The following SPIN1 variants were observed in gnomAD, a reference collection of about 807,000 sequenced individuals.
SPIN1 encodes the protein spindlin-1.
SPIN1 carries 3 observed loss-of-function variants against 26.0 expected under a neutral mutation model. That is an observed-to-expected ratio of 0.12 (90% CI 0.05 to 0.30). SPIN1 has a LOEUF of 0.30. Among genes scored for constraint, SPIN1 ranks in the 10% least tolerant of loss-of-function variants. SPIN1 has a pLI of 1.00. For synonymous variants in SPIN1, 101 were observed against 116.5 expected, an observed-to-expected ratio of 0.87 and a Z score of 0.86; for missense variants, 126 against 333.4, an observed-to-expected ratio of 0.38 and a Z score of 4.84.
At chr9:88,469,228 CTGA>C (rs1279923801) in intron 5 of SPIN1, among the ~76,000 whole-genome samples, 1 of 152,212 alleles carries the variant, frequency 6.6e-6, no homozygotes, top group African/African-American at 2.4e-5. Flanking sequence ...CTGTGAGAAT[CTGA>C]TGCCTCTGCT....
chr9:88,474,262 A>C (rs991862930), intron 5 of SPIN1, among the ~76,000 whole-genome samples: 1 of 152,218 alleles, frequency 6.6e-6, no homozygotes, highest in African/African-American at 2.4e-5. Context: ...AAATAGAATT[A>C]TAATTGCCTA....
At chr9:88,406,861 C>T (rs867087413) in intron 1 of SPIN1, among the ~76,000 whole-genome samples, 2 of 152,214 alleles carry the variant, frequency 1.3e-5, no homozygotes, top group East Asian at 1.9e-4. Flanking sequence ...TTCCTCCTCT[C>T]CTGGATACTC....
intron 2 of SPIN1, among the ~76,000 whole-genome samples, chr9:88,446,644 G>A (rs1828257872): frequency 6.6e-6 from 1 of 152,050 alleles, no homozygotes; most frequent in Non-Finnish European, 1.5e-5. Context: ...CTGACCTCAT[G>A]TGATCCACCC....
At position 88,475,085 on chromosome 9, in the gene SPIN1, A is replaced by G. The variant is rs1429433253; in HGVS notation, c.597A>G (p.Ser199=). Residue 199 remains serine, a synonymous_variant, in exon 6 of 6, where the codon TCA becomes TCG. Coordinates refer to ENST00000375859, the MANE Select transcript of SPIN1 (RefSeq NM_006717.3). The stretch of plus-strand genomic sequence containing the variant: ...TTTTTTTTTTTAATATAGATGATTC[A>G]CCTCCAGCAGAAAGGGAACCAGGAG... ...DLRIMPDSND[S]PPAEREPGEV... is the part of the protein sequence containing the mutation. 1.3e-6 allele frequency: 2 copies of G among 1,488,776 alleles called. No individual in the cohort carries two copies. The highest frequency in any genetic ancestry group is 1.8e-6 in the Non-Finnish European group (2 of 1,106,856). 92.2% of individuals were successfully genotyped at this position (1,488,776 alleles called of 1,614,324 possible).
chr9:88,451,995 A>G (rs528488802), intron 3 of SPIN1, among the ~76,000 whole-genome samples: 219 of 152,320 alleles, frequency 1.4e-3, no homozygotes, highest in African/African-American at 4.9e-3. Flanking sequence ...ATAGATTTCC[A>G]TTCCATGCTA....
intron 2 of SPIN1, among the ~76,000 whole-genome samples, chr9:88,431,784 C>A (rs538225922): frequency 6.6e-6 from 1 of 152,252 alleles, no homozygotes; most frequent in East Asian, 1.9e-4. Context: ...TACAGTGGCT[C>A]ATAAACTATA....
At chr9:88,441,397 T>C (rs1023477806) in intron 2 of SPIN1, among the ~76,000 whole-genome samples, 1 of 102,424 alleles carries the variant, frequency 9.8e-6, no homozygotes, top group African/African-American at 6.6e-5. Flanking sequence ...TTGCTGCCAT[T>C]CGTGTGTGTG....
At chr9:88,459,723 A>T (rs1394876714) in intron 3 of SPIN1, among the ~76,000 whole-genome samples, 1 of 152,182 alleles carries the variant, frequency 6.6e-6, no homozygotes, top group African/African-American at 2.4e-5. Context: ...TCAGTGCTGT[A>T]CTGAACCTTC....
chr9:88,452,071 C>T (rs993247652), intron 3 of SPIN1, among the ~76,000 whole-genome samples: 5 of 152,178 alleles, frequency 3.3e-5, no homozygotes, highest in Non-Finnish European at 7.3e-5. Context: ...CTAGAATCTA[C>T]TAAACACTAA....
In SPIN1 at chr9:88,395,657, A is replaced by G. The variant is rs1827037553; in HGVS notation, c.-159+7119A>G. On this transcript the variant is annotated intron_variant, in intron 1 of 5. Transcript: ENST00000375859. ...GAGATGAGGTCTCACAGTGTTGCCCAGGATGATCTTGAACTCCTGACCCCA... is the reference window on the plus strand; with the variant it reads ...GAGATGAGGTCTCACAGTGTTGCCCGGGATGATCTTGAACTCCTGACCCCA... Among the ~76,000 whole-genome samples, 2 of 152,024 alleles carry G rather than the reference A, an allele frequency of 1.3e-5. 1 individual carries two copies. Among genetic ancestry groups the G allele is most frequent in the Non-Finnish European group, 2.9e-5 (2 of 68,002 alleles).
chr9:88,398,660 C>T lies in SPIN1; in HGVS notation c.-159+10122C>T, dbSNP rs143165811. Among the ~76,000 whole-genome samples, 69 of 152,196 alleles carry T rather than the reference C, an allele frequency of 4.5e-4. No individual in the cohort carries two copies. The East Asian group carries it at 0.012, about 26-fold the overall frequency. ...GCGCGATGTTGGCTCATCGCAACCT[C>T]CGCCTCGTGGGATCAAGCAATTCTC... On this transcript the variant is annotated intron_variant, in intron 1 of 5. Coordinates refer to ENST00000375859, the MANE Select transcript of SPIN1 (RefSeq NM_006717.3).
chr9:88,449,872 C>T (rs902598659), intron 3 of SPIN1, among the ~76,000 whole-genome samples: 1 of 152,096 alleles, frequency 6.6e-6, no homozygotes, highest in African/African-American at 2.4e-5. Context: ...AAAGTGTATG[C>T]CCCTTAGCCA....
intron 2 of SPIN1, among the ~76,000 whole-genome samples, chr9:88,436,028 G>A (rs1827992159): frequency 6.6e-6 from 1 of 152,160 alleles, no homozygotes; most frequent in East Asian, 1.9e-4. Flanking sequence ...ACCCAGGTAC[G>A]AAGTTCAGAG....
At chr9:88,467,142 G>C (rs1828685763) in intron 4 of SPIN1, among the ~76,000 whole-genome samples, 1 of 152,080 alleles carries the variant, frequency 6.6e-6, no homozygotes, top group African/African-American at 2.4e-5. Flanking sequence ...TAAAACCAAT[G>C]GGATCCTTCA....
chr9:88,414,587 A>T (rs113795857), intron 1 of SPIN1, among the ~76,000 whole-genome samples: 48 of 152,306 alleles, frequency 3.2e-4, no homozygotes, highest in African/African-American at 1.1e-3. Flanking sequence ...TGAGAAGACT[A>T]TGTGCTCTAT....
chr9:88,436,508 A>G (rs1828001397), intron 2 of SPIN1, among the ~76,000 whole-genome samples: 1 of 152,062 alleles, frequency 6.6e-6, no homozygotes, highest in Non-Finnish European at 1.5e-5. Context: ...ACATGTCATT[A>G]TCACCCAAAG....
At chr9:88,389,685 G>A (rs189055172) in intron 1 of SPIN1, among the ~76,000 whole-genome samples, 8 of 152,246 alleles carry the variant, frequency 5.3e-5, no homozygotes, top group Admixed American at 5.2e-4. Flanking sequence ...GACGACACAC[G>A]TACCAAAACG....
chr9:88,392,612 C>T (rs1425190634), intron 1 of SPIN1, among the ~76,000 whole-genome samples: 1 of 151,908 alleles, frequency 6.6e-6, no homozygotes, highest in East Asian at 1.9e-4. Flanking sequence ...TCCCTCCTTC[C>T]TTCCTTCTTT....
chr9:88,412,414 G>A (rs1396788499), intron 1 of SPIN1, among the ~76,000 whole-genome samples: 1 of 152,054 alleles, frequency 6.6e-6, no homozygotes, highest in Non-Finnish European at 1.5e-5. Context: ...CCAGTCCATT[G>A]TTCCCAAGAG....
Sources: allele counts gnomAD v4.1 joint callset (sites outside exome capture counted in the v4.1 genomes callset), GRCh38; gene constraint gnomAD v4.1.1; transcripts MANE v1.5; gene names NCBI Gene and HGNC (gene_info 2026-07-23, HGNC 2026-07-21).